SLC39A14: variants seen among roughly 807,000 people sequenced by gnomAD.
The protein encoded by SLC39A14 is metal cation symporter ZIP14.
In SLC39A14, 19 loss-of-function variants were observed where a neutral mutation model predicts 45.5. The observed-to-expected ratio is 0.42, with a 90% CI of 0.29 to 0.61. The LOEUF (loss-of-function observed/expected upper bound fraction) is 0.61. Ranked by LOEUF, SLC39A14 falls within the 20% of genes least tolerant of loss-of-function variation. The probability of loss-of-function intolerance (pLI) is 0.22; values close to 1 mark genes in which losing one functional copy is unlikely to be tolerated. For missense variants in SLC39A14, 447 were observed against 616.5 expected (o/e 0.73, Z 2.91); for synonymous variants, 264 against 251.3 (o/e 1.05, Z -0.48).
chr8:22,402,897 G>T (rs927341465), intron 1 of SLC39A14, among the ~76,000 whole-genome samples: 11 of 152,120 alleles, frequency 7.2e-5, no homozygotes, highest in Admixed American at 3.3e-4. Flanking sequence ...GTACAGTATA[G>T]AAATAAACCT....
At chr8:22,425,741 G>C (rs967900588), downstream of SLC39A14, among the ~76,000 whole-genome samples, 13 of 152,042 alleles carry the variant, frequency 8.6e-5, no homozygotes, top group African/African-American at 3.1e-4. Flanking sequence ...AGTTAATGGA[G>C]TATCCTTTGT....
chr8:22,412,074 C>T lies in SLC39A14; in HGVS notation c.495C>T (p.Ser165=). The change falls in exon 4 of 9, where the codon TCC becomes TCT. Residue 165 remains serine, a synonymous_variant. Coordinates refer to ENST00000381237, the MANE Select transcript of SLC39A14 (RefSeq NM_001128431.4). ...GTCTCCTCTGTGTGACCGTCATCTC[C>T]CTCTGCTCCCTCCTGGGGGCCAGCG... ...GYGLLCVTVI[S]LCSLLGASVV... is the part of the protein sequence containing the mutation. 6.4e-7 allele frequency: 1 copy of T among 1,551,646 alleles called. No individual in the cohort carries two copies. Among genetic ancestry groups the T allele is most frequent in the Non-Finnish European group, 8.7e-7 (1 of 1,147,012 alleles).
intron 8 of SLC39A14, among the ~76,000 whole-genome samples, chr8:22,431,717 T>C (rs1836469803): frequency 6.6e-6 from 1 of 152,118 alleles, no homozygotes; most frequent in Non-Finnish European, 1.5e-5. Flanking sequence ...GACTGACCAA[T>C]GCAGAAAATA....
In SLC39A14 at chr8:22,421,887, T is replaced by A. The variant is rs978875292; in HGVS notation, c.*2189T>A. 45 of 985,296 alleles carry A rather than the reference T, an allele frequency of 4.6e-5. No homozygotes were observed. In the African/African-American group the frequency reaches 7.5e-4, roughly 16 times the overall value. 61.0% of individuals were successfully genotyped at this position (985,296 alleles called of 1,614,324 possible). A position where few individuals can be genotyped will look rare whatever the true frequency, so the allele number is the denominator to read the frequency against. ...TTTTCCCTTTTTGTGCACACCTATATTACCTTAAGAAATTTCCTTCCATAG... is the reference window on the plus strand; with the variant it reads ...TTTTCCCTTTTTGTGCACACCTATAATACCTTAAGAAATTTCCTTCCATAG... On this transcript the variant is annotated 3_prime_UTR_variant, in exon 9 of 9. Transcript: ENST00000381237.
downstream of SLC39A14, among the ~76,000 whole-genome samples, chr8:22,425,685 T>C (rs1441434515): frequency 1.3e-5 from 2 of 152,178 alleles, no homozygotes; most frequent in East Asian, 1.9e-4. Flanking sequence ...CAGATGTCTT[T>C]TCAGGAGTTT....
chr8:22,388,315 G>A (rs369781920), intron 1 of SLC39A14, among the ~76,000 whole-genome samples: 2 of 152,144 alleles, frequency 1.3e-5, no homozygotes. Context: ...CATGGGGTGC[G>A]TGCAAACCAC....
chr8:22,404,087 G>A (rs1835050789), intron 1 of SLC39A14, among the ~76,000 whole-genome samples: 1 of 152,050 alleles, frequency 6.6e-6, no homozygotes, highest in Non-Finnish European at 1.5e-5. Flanking sequence ...GATATAAGAT[G>A]TCAAATCCAT....
In SLC39A14 at chr8:22,367,505, GC is replaced by G. The variant is rs1250674318; in HGVS notation, c.-16+99del. 3 of 152,228 alleles carry G rather than the reference GC, an allele frequency of 2.0e-5. No individual in the cohort carries two copies. Among genetic ancestry groups the G allele is most frequent in the South Asian group, 2.1e-4 (1 of 4,836 alleles). 9.4% of individuals were successfully genotyped at this position (152,228 alleles called of 1,614,324 possible). On this transcript the variant is annotated intron_variant, in intron 1 of 8. Coordinates refer to ENST00000381237, the MANE Select transcript of SLC39A14 (RefSeq NM_001128431.4). The surrounding 1 kb of genome is among the most constrained non-coding windows in gnomAD (Gnocchi z 4.2). ...TGGGTGGGGGCGGGGACAGCCCTGC[GC>G]CGAGGACCGGGCGCCGCTCCCGGGC...
chr8:22,396,239 T>A (rs546980661), intron 1 of SLC39A14, among the ~76,000 whole-genome samples: 15 of 151,520 alleles, frequency 9.9e-5, no homozygotes, highest in African/African-American at 3.6e-4. Context: ...TGGTGGTGCA[T>A]GCATGTAATT....
intron 1 of SLC39A14, among the ~76,000 whole-genome samples, chr8:22,389,687 G>A (rs1165724008): frequency 6.6e-6 from 1 of 152,162 alleles, no homozygotes; most frequent in Non-Finnish European, 1.5e-5. Context: ...GAGAGGCTTA[G>A]GGGGGCTATC....
chr8:22,402,496 A>G (rs1834933096), intron 1 of SLC39A14, among the ~76,000 whole-genome samples: 1 of 152,214 alleles, frequency 6.6e-6, no homozygotes, highest in African/African-American at 2.4e-5. Flanking sequence ...CTGGCCGGGC[A>G]CGGTGGCATA....
At chr8:22,369,117 G>A (rs1016232143) in intron 1 of SLC39A14, among the ~76,000 whole-genome samples, 14 of 152,180 alleles carry the variant, frequency 9.2e-5, no homozygotes, top group Non-Finnish European at 1.9e-4. Context: ...AGATAGGCTA[G>A]TGGTCCTCTT....
Position 22,422,153 on chromosome 8 carries a change from C to T in SLC39A14, c.*2455C>T. 1.0e-6 allele frequency: 1 copy of T among 985,422 alleles called. No homozygotes were observed. The highest frequency in any genetic ancestry group is 1.2e-6 in the Non-Finnish European group (1 of 829,926). The allele number at this position is 985,422 out of a possible 1,614,324, so 61.0% of individuals were successfully genotyped here. On this transcript the variant is annotated 3_prime_UTR_variant, in exon 9 of 9. Transcript: ENST00000381237. ...AAGGAGTAGCAAGTCAGTGGGAGGA[C>T]TTTTTCACCCCTGGCATTAGCAGCT...
intron 1 of SLC39A14, among the ~76,000 whole-genome samples, chr8:22,397,528 A>C (rs1020261671): frequency 2.6e-5 from 4 of 151,960 alleles, no homozygotes; most frequent in Non-Finnish European, 5.9e-5. Flanking sequence ...CAGTGAGCCG[A>C]GATAGCGCCG....
At chr8:22,406,013 G>A (rs1361313393) in intron 2 of SLC39A14, among the ~76,000 whole-genome samples, 1 of 152,234 alleles carries the variant, frequency 6.6e-6, no homozygotes, top group East Asian at 1.9e-4. Flanking sequence ...CTGAAATGAA[G>A]CATTGCATTT....
At chr8:22,410,423 G>T (rs180841228) in intron 3 of SLC39A14, among the ~76,000 whole-genome samples, 1 of 152,122 alleles carries the variant, frequency 6.6e-6, no homozygotes, top group Non-Finnish European at 1.5e-5. Context: ...AGCAGCTATC[G>T]ACTGCCGTCC....
At chr8:22,368,600 G>A (rs909272184) in intron 1 of SLC39A14, among the ~76,000 whole-genome samples, 1 of 151,890 alleles carries the variant, frequency 6.6e-6, no homozygotes, top group Non-Finnish European at 1.5e-5. Flanking sequence ...GCAGTGGCGC[G>A]ATCTCGGCTC....
At chr8:22,409,939 TC>T in intron 3 of SLC39A14, 2 of 1,613,836 alleles carry the variant, frequency 1.2e-6, no homozygotes, top group Non-Finnish European at 1.7e-6. Flanking sequence ...TTCTTGTTCC[TC>T]CACAGTGTGG....
intron 1 of SLC39A14, among the ~76,000 whole-genome samples, chr8:22,385,421 T>G (rs965772727): frequency 9.9e-5 from 15 of 152,156 alleles, no homozygotes; most frequent in African/African-American, 3.6e-4. Context: ...TAATAGGGCA[T>G]TAGGGTTCTC....
Sources: gnomAD v4.1 joint callset for allele counts (sites outside exome capture counted in the v4.1 genomes callset) on GRCh38, gnomAD v4.1.1 for gene constraint, Gnocchi (gnomAD v3.1) non-coding constraint, MANE v1.5 for transcripts, NCBI Gene and HGNC (gene_info 2026-07-23, HGNC 2026-07-21) for gene names.